Variants in NXPH1 observed in about 807,000 individuals in gnomAD.
The protein encoded by NXPH1 is neurexophilin 1.
A neutral mutation model predicts 23.7 loss-of-function variants in NXPH1; 5 were observed. That is an observed-to-expected ratio of 0.21 (90% CI 0.11 to 0.44). NXPH1 has a LOEUF of 0.44. NXPH1 is among the 20% of genes least tolerant of loss of function. The probability of loss-of-function intolerance (pLI) is 0.99; values close to 1 mark genes in which losing one functional copy is unlikely to be tolerated. For synonymous variants in NXPH1, 144 were observed against 122.2 expected (o/e 1.18, Z -1.18); for missense variants, 324 against 321.6 (o/e 1.01, Z -0.06).
At chr7:8,552,868 G>C (rs1327001806) in intron 2 of NXPH1, among the ~76,000 whole-genome samples, 1 of 151,566 alleles carries the variant, frequency 6.6e-6, no homozygotes, top group Non-Finnish European at 1.5e-5. Context: ...AAGCAAATCA[G>C]ATTGGAAGAA....
chr7:8,542,344 TGC>T, intron 2 of NXPH1, among the ~76,000 whole-genome samples: 1 of 151,568 alleles, frequency 6.6e-6, no homozygotes, highest in Middle Eastern at 3.2e-3. Flanking sequence ...AAGCAAAAAT[TGC>T]TAGAACTTTT....
At chr7:8,678,772 GA>G (rs376845359) in intron 2 of NXPH1, among the ~76,000 whole-genome samples, 22 of 147,854 alleles carry the variant, frequency 1.5e-4, no homozygotes, top group African/African-American at 2.7e-4. Flanking sequence ...TACTCCTAGG[GA>G]AAAAAAAAAT....
At chr7:8,591,296 A>T (rs1034124606) in intron 2 of NXPH1, among the ~76,000 whole-genome samples, 2 of 152,044 alleles carry the variant, frequency 1.3e-5, no homozygotes, top group African/African-American at 4.8e-5. Flanking sequence ...GAGAAAGAGC[A>T]ATTTACTCAA....
intron 2 of NXPH1, among the ~76,000 whole-genome samples, chr7:8,598,926 CAA>C (rs1209195651): frequency 2.6e-5 from 4 of 152,090 alleles, no homozygotes; most frequent in Non-Finnish European, 5.9e-5. Flanking sequence ...GCAAAATCAG[CAA>C]AGTGTCTCTT....
chr7:8,462,602 A>G (rs568057270), intron 2 of NXPH1, among the ~76,000 whole-genome samples: 7 of 152,288 alleles, frequency 4.6e-5, no homozygotes, highest in African/African-American at 1.4e-4. Context: ...CTGCTAAGCT[A>G]TGCTCCTTCC....
chr7:8,718,412 C>G (rs1779912282), intron 2 of NXPH1, among the ~76,000 whole-genome samples: 1 of 152,164 alleles, frequency 6.6e-6, no homozygotes, highest in Non-Finnish European at 1.5e-5. Flanking sequence ...GCTAACATGT[C>G]TCTGTGCTAC....
At chr7:8,570,074 A>G (rs1488270422) in intron 2 of NXPH1, among the ~76,000 whole-genome samples, 2 of 151,924 alleles carry the variant, frequency 1.3e-5, no homozygotes, top group African/African-American at 2.4e-5. Context: ...ACAAAGATCA[A>G]TTGAGTGCCA....
At chr7:8,694,634 G>T (rs1241899796) in intron 2 of NXPH1, among the ~76,000 whole-genome samples, 1 of 151,942 alleles carries the variant, frequency 6.6e-6, no homozygotes, top group Admixed American at 6.6e-5. Context: ...ATTTTTATAT[G>T]TTCTAGCAGG....
chr7:8,454,751 G>T (rs1029679253), intron 2 of NXPH1, among the ~76,000 whole-genome samples: 2 of 152,090 alleles, frequency 1.3e-5, no homozygotes, highest in African/African-American at 4.8e-5. Flanking sequence ...AGCAATCAGT[G>T]CTCAATGGAA....
At chr7:8,549,196 A>T (rs889887133) in intron 2 of NXPH1, among the ~76,000 whole-genome samples, 1 of 151,556 alleles carries the variant, frequency 6.6e-6, no homozygotes, top group Non-Finnish European at 1.5e-5. Flanking sequence ...CATTACTGTT[A>T]TGATTCCAGA....
intron 2 of NXPH1, among the ~76,000 whole-genome samples, chr7:8,560,534 G>A (rs543814660): frequency 3.3e-5 from 5 of 151,824 alleles, no homozygotes; most frequent in African/African-American, 1.2e-4. Context: ...TTGTTGGCAA[G>A]TATTTATTAC....
At chr7:8,744,541 A>G (rs1200882830) in intron 2 of NXPH1, among the ~76,000 whole-genome samples, 1 of 152,134 alleles carries the variant, frequency 6.6e-6, no homozygotes, top group Non-Finnish European at 1.5e-5. Context: ...CTTCTTTATT[A>G]CCACACGTTT....
intron 2 of NXPH1, among the ~76,000 whole-genome samples, chr7:8,680,273 G>A (rs1207168427): frequency 6.6e-6 from 1 of 152,230 alleles, no homozygotes; most frequent in Non-Finnish European, 1.5e-5. Flanking sequence ...TTTGCTGGTG[G>A]TGAATCGGGG....
At chr7:8,601,554 C>G (rs1441085267) in intron 2 of NXPH1, among the ~76,000 whole-genome samples, 1 of 152,100 alleles carries the variant, frequency 6.6e-6, no homozygotes, top group African/African-American at 2.4e-5. Flanking sequence ...GTATATTATT[C>G]CAGGAATGAT....
intron 2 of NXPH1, among the ~76,000 whole-genome samples, chr7:8,643,295 A>G (rs770503591): frequency 9.2e-5 from 14 of 152,128 alleles, no homozygotes; most frequent in Non-Finnish European, 1.9e-4. Flanking sequence ...ATATGTACAT[A>G]TATATTCTTA....
chr7:8,684,452 C>T (rs375650475), intron 2 of NXPH1, among the ~76,000 whole-genome samples: 27 of 152,206 alleles, frequency 1.8e-4, no homozygotes, highest in African/African-American at 6.0e-4. Context: ...AATTCTTAGT[C>T]TCCTTCCTTC....
intron 2 of NXPH1, among the ~76,000 whole-genome samples, chr7:8,722,353 A>G (rs1200625248): frequency 3.9e-5 from 6 of 152,190 alleles, no homozygotes; most frequent in Non-Finnish European, 8.8e-5. Flanking sequence ...TTTTCCCTTC[A>G]GAGCCTGAAG....
intron 2 of NXPH1, among the ~76,000 whole-genome samples, chr7:8,725,752 C>G (rs1282335567): frequency 6.6e-6 from 1 of 152,042 alleles, no homozygotes; most frequent in South Asian, 2.1e-4. Flanking sequence ...GTTGGAGATT[C>G]CCAGGACTTT....
intron 2 of NXPH1, among the ~76,000 whole-genome samples, chr7:8,661,606 T>C (rs778297824): frequency 6.6e-6 from 1 of 152,048 alleles, no homozygotes; most frequent in Non-Finnish European, 1.5e-5. Context: ...TTCTCTCCCT[T>C]GGATACCTGA....
Sources: gnomAD v4.1 joint callset for allele counts (sites outside exome capture counted in the v4.1 genomes callset) on GRCh38, gnomAD v4.1.1 for gene constraint, MANE v1.5 for transcripts, NCBI Gene and HGNC (gene_info 2026-07-23, HGNC 2026-07-21) for gene names.